VPS53: variants seen among roughly 807,000 people sequenced by gnomAD.
The protein encoded by VPS53 is VPS53 subunit of GARP complex, also known as vacuolar protein sorting-associated protein 53 homolog.
A neutral mutation model predicts 107.0 loss-of-function variants in VPS53; 70 were observed. That is an observed-to-expected ratio of 0.65 (90% CI 0.54 to 0.80). The LOEUF (loss-of-function observed/expected upper bound fraction) is 0.80. VPS53 is among the 30% of genes least tolerant of loss of function. The pLI, the probability that VPS53 is intolerant of heterozygous loss-of-function variation, is 0.00. For synonymous variants in VPS53, 409 were observed against 393.3 expected (o/e 1.04, Z -0.47); for missense variants, 917 against 1,049.4 (o/e 0.87, Z 1.74).
intron 2 of VPS53, among the ~76,000 whole-genome samples, chr17:703,734 G>C (rs758137721): frequency 3.3e-5 from 5 of 151,938 alleles, no homozygotes; most frequent in African/African-American, 1.2e-4. Context: ...GAATTTTTGC[G>C]TATTGCCTTC....
At chr17:622,511 T>C (rs775318096) in intron 11 of VPS53, among the ~76,000 whole-genome samples, 1 of 152,216 alleles carries the variant, frequency 6.6e-6, no homozygotes, top group Admixed American at 6.5e-5. Context: ...GGGTTCTGTG[T>C]ACACTCTGCA....
intron 4 of VPS53, among the ~76,000 whole-genome samples, chr17:695,284 G>C (rs1567746100): frequency 1.3e-5 from 2 of 152,164 alleles, no homozygotes; most frequent in Admixed American, 6.5e-5. Context: ...TCAAAATTCT[G>C]ATTCCTTGGT....
At chr17:591,456 TTTAA>T (rs1967642187) in intron 12 of VPS53, among the ~76,000 whole-genome samples, 1 of 152,192 alleles carries the variant, frequency 6.6e-6, no homozygotes, top group African/African-American at 2.4e-5. Flanking sequence ...TTCTAGTTCT[TTTAA>T]TTGTGATGTT....
chr17:571,824 C>T (rs1202244514), intron 13 of VPS53, among the ~76,000 whole-genome samples: 2 of 152,238 alleles, frequency 1.3e-5, no homozygotes, highest in African/African-American at 2.4e-5. Flanking sequence ...GGATTGCAGA[C>T]GGTGTCTGGT....
Position 631,635 on chromosome 17 carries a change from G to C in VPS53, c.609-7C>G. The C allele has an allele frequency of 6.2e-7, 1 of 1,613,468 alleles. No individual in the cohort carries two copies. Among genetic ancestry groups the C allele is most frequent in the Non-Finnish European group, 8.5e-7 (1 of 1,179,490 alleles). ...AGTCTGTGCAGCCTTCACTCTGTGA[G>C]GAAGAGAGAACATATCATCACCTGG... On this transcript the variant is annotated splice_region_variant and splice_polypyrimidine_tract_variant and intron_variant, in intron 7 of 21. Transcript: ENST00000437048.
intron 8 of VPS53, among the ~76,000 whole-genome samples, chr17:630,331 C>T (rs563066497): frequency 3.3e-5 from 5 of 151,392 alleles, no homozygotes; most frequent in East Asian, 3.9e-4. Context: ...AAACCTGAAA[C>T]GGGCAGCTGA....
intron 12 of VPS53, among the ~76,000 whole-genome samples, chr17:597,197 A>C (rs1352362584): frequency 6.6e-6 from 1 of 152,032 alleles, no homozygotes; most frequent in Non-Finnish European, 1.5e-5. Context: ...GCAGGGTGTG[A>C]CCCTTACCTT....
chr17:657,602 G>T, intron 5 of VPS53: 1 of 731,182 alleles, frequency 1.4e-6, no homozygotes, highest in Non-Finnish European at 2.4e-6. Flanking sequence ...CATAGCGAAA[G>T]TTTCTTAATA....
At chr17:586,600 G>C (rs573004799) in intron 12 of VPS53, among the ~76,000 whole-genome samples, 1 of 152,316 alleles carries the variant, frequency 6.6e-6, no homozygotes, top group East Asian at 1.9e-4. Context: ...GATAACATAT[G>C]TGTTTTGAAT....
At chr17:650,847 T>C (rs1490230411) in intron 7 of VPS53, among the ~76,000 whole-genome samples, 1 of 152,204 alleles carries the variant, frequency 6.6e-6, no homozygotes, top group African/African-American at 2.4e-5. Context: ...TGTCACGCTA[T>C]GGGGTTCTGT....
In VPS53 at chr17:606,870, C is replaced by T. The variant is rs1281817806; in HGVS notation, c.1117-4974G>A. Among the ~76,000 whole-genome samples the T allele has an allele frequency of 2.0e-5, 3 of 147,162 alleles. 1 individual carries two copies. The highest frequency in any genetic ancestry group is 4.5e-5 in the Non-Finnish European group (3 of 66,676). On this transcript the variant is annotated intron_variant, in intron 11 of 21. Transcript: ENST00000437048. ...CCCCTACCCCCATCCCCTGCACTCC[C>T]ACCCCCACCCCCACCTCTGGAAAAA...
At chr17:599,283 G>A (rs1301543504) in intron 12 of VPS53, among the ~76,000 whole-genome samples, 1 of 152,212 alleles carries the variant, frequency 6.6e-6, no homozygotes, top group Admixed American at 6.5e-5. Context: ...GGGCCATGAT[G>A]ACAATGGCGG....
intron 11 of VPS53, among the ~76,000 whole-genome samples, chr17:602,756 G>C (rs1438549734): frequency 6.6e-6 from 1 of 152,138 alleles, no homozygotes; most frequent in Non-Finnish European, 1.5e-5. Flanking sequence ...TACACACAAG[G>C]GTCACTGATG....
In VPS53 at chr17:681,427, G is replaced by A. The variant is rs544503708; in HGVS notation, c.285+15991C>T. 1.0e-3 allele frequency among the ~76,000 whole-genome samples: 155 copies of A among 152,332 alleles called. 1 individual carries two copies. Among genetic ancestry groups the A allele is most frequent in the African/African-American group, 3.4e-3 (142 of 41,574 alleles). Reference sequence around the variant, plus strand: ...TGGGATTCCAGGCGTGAGCCACTGCGCCCGGCCTACAAAACAAATTTCTTG... The same window carrying A: ...TGGGATTCCAGGCGTGAGCCACTGCACCCGGCCTACAAAACAAATTTCTTG... On this transcript the variant is annotated intron_variant, in intron 4 of 21. Coordinates refer to ENST00000437048, the MANE Select transcript of VPS53 (RefSeq NM_001128159.3).
At chr17:590,024 C>T (rs910861613) in intron 12 of VPS53, among the ~76,000 whole-genome samples, 19 of 152,102 alleles carry the variant, frequency 1.2e-4, no homozygotes, top group Admixed American at 5.9e-4. Context: ...GAATGTTCTC[C>T]CATTTGTTTG....
Position 687,194 on chromosome 17 carries a change from G to A in VPS53, c.285+10224C>T, listed in dbSNP as rs536739521. 3.9e-5 allele frequency among the ~76,000 whole-genome samples: 6 copies of A among 151,972 alleles called. No individual in the cohort carries two copies. The East Asian group carries it at 1.2e-3, about 29-fold the overall frequency. The stretch of plus-strand genomic sequence containing the variant: ...CAGCTACTTGGGAGGCTGAGGCAGG[G>A]AGAATCACTTGAACCCAGGAGACGG... On this transcript the variant is annotated intron_variant, in intron 4 of 21. Coordinates refer to ENST00000437048, the MANE Select transcript of VPS53 (RefSeq NM_001128159.3).
intron 6 of VPS53, among the ~76,000 whole-genome samples, chr17:654,914 GCCCTCTGGCCT>G (rs1422195919): frequency 6.6e-6 from 1 of 152,082 alleles, no homozygotes; most frequent in East Asian, 1.9e-4. Flanking sequence ...AAATGTGACC[GCCCTCTGGCCT>G]CCCTCTGGCC....
Position 594,896 on chromosome 17 carries a change from C to G in VPS53, c.1218+6899G>C, listed in dbSNP as rs536946160. Reference sequence around the variant, plus strand: ...TTTGATGATGCACTCTAGTGTCCCCCTGGAGGAAGCTGGGAGATGGGAAGG... The same window carrying G: ...TTTGATGATGCACTCTAGTGTCCCCGTGGAGGAAGCTGGGAGATGGGAAGG... On this transcript the variant is annotated intron_variant, in intron 12 of 21. Coordinates refer to ENST00000437048, the MANE Select transcript of VPS53 (RefSeq NM_001128159.3). Among the ~76,000 whole-genome samples, 154 of 70,110 alleles carry G rather than the reference C, an allele frequency of 2.2e-3. 3 individuals are homozygous for G. The highest frequency in any genetic ancestry group is 6.7e-3 in the African/African-American group (142 of 21,284). The allele number at this position is 70,110 out of a possible 152,430, so 46.0% of individuals were successfully genotyped here. A position where few individuals can be genotyped will look rare whatever the true frequency, so the allele number is the denominator to read the frequency against.
chr17:639,227 C>T (rs982442440), intron 7 of VPS53, among the ~76,000 whole-genome samples: 6 of 152,156 alleles, frequency 3.9e-5, no homozygotes, highest in African/African-American at 7.2e-5. Flanking sequence ...GAAGCTTGTG[C>T]GCTCGTCAGG....
Sources: allele counts gnomAD v4.1 joint callset (sites outside exome capture counted in the v4.1 genomes callset), GRCh38; gene constraint gnomAD v4.1.1; transcripts MANE v1.5; gene names NCBI Gene and HGNC (gene_info 2026-07-23, HGNC 2026-07-21).